COL14A1: variants seen among roughly 807,000 people sequenced by gnomAD.
COL14A1 encodes collagen alpha-1(XIV) chain.
Under a neutral mutation model 230.3 loss-of-function variants are expected in COL14A1, and 136 were observed. The ratio of observed to expected loss-of-function variants is 0.59; its 90% CI spans 0.51 to 0.68. The LOEUF (loss-of-function observed/expected upper bound fraction) is 0.68, where lower values mean the gene tolerates loss of function less well. Ranked by LOEUF, COL14A1 falls within the 30% of genes least tolerant of loss-of-function variation. The pLI, the probability that COL14A1 is intolerant of heterozygous loss-of-function variation, is 0.00. For synonymous variants in COL14A1, 792 were observed against 784.1 expected (o/e 1.01, Z -0.17); for missense variants, 1,976 against 2,215.8 (o/e 0.89, Z 2.17).
In COL14A1 at chr8:120,310,050, A is replaced by G. The variant is rs760475905; in HGVS notation, c.4443A>G (p.Glu1481=). 2 of 1,608,948 alleles carry G rather than the reference A, an allele frequency of 1.2e-6. No individual in the cohort carries two copies. The highest frequency in any genetic ancestry group is 3.3e-5 in the Admixed American group (2 of 59,900). The change falls in exon 37 of 48, where the codon GAA becomes GAG. Residue 1481 remains glutamate (E), a synonymous_variant. Coordinates refer to ENST00000297848, the MANE Select transcript of COL14A1 (RefSeq NM_021110.4). ...GLRGPKGQQG[E]PGPKGPDGPR... Reference sequence around the variant, plus strand: ...GAGGACCAAAGGGCCAGCAAGGTGAACCGGGTCCAAAGGTAATGCGCATGT... The same window carrying G: ...GAGGACCAAAGGGCCAGCAAGGTGAGCCGGGTCCAAAGGTAATGCGCATGT...
intron 25 of COL14A1, among the ~76,000 whole-genome samples, chr8:120,268,344 T>C (rs559538238): frequency 1.3e-4 from 20 of 151,818 alleles, no homozygotes; most frequent in Middle Eastern, 6.8e-3. Context: ...AGAATCCTAA[T>C]TGATAAATTT....
intron 4 of COL14A1, among the ~76,000 whole-genome samples, chr8:120,164,151 T>G (rs1453597966): frequency 6.6e-6 from 1 of 152,210 alleles, no homozygotes; most frequent in East Asian, 1.9e-4. Context: ...ATCATCAGAA[T>G]AGTATAATGA....
At chr8:120,273,695 A>C (rs1388825271) in intron 26 of COL14A1, among the ~76,000 whole-genome samples, 1 of 151,686 alleles carries the variant, frequency 6.6e-6, no homozygotes, top group African/African-American at 2.4e-5. Flanking sequence ...ATCTGAAGGA[A>C]ATGGATAAAT....
intron 45 of COL14A1, among the ~76,000 whole-genome samples, chr8:120,351,437 A>G (rs1322222413): frequency 1.6e-4 from 20 of 125,314 alleles, no homozygotes; most frequent in African/African-American, 5.9e-4. Context: ...CAAAAAATCA[A>G]TGAATCCAGG....
Position 120,203,028 on chromosome 8 carries a change from T to C in COL14A1, c.878-681T>C, listed in dbSNP as rs190399595. Among the ~76,000 whole-genome samples the C allele has an allele frequency of 9.0e-3, 710 of 78,550 alleles. 1 individual carries two copies. The highest frequency in any genetic ancestry group is 0.019 in the Non-Finnish European group (602 of 31,656). 51.5% of individuals were successfully genotyped at this position (78,550 alleles called of 152,430 possible). On this transcript the variant is annotated intron_variant, in intron 8 of 47. Coordinates refer to ENST00000297848, the MANE Select transcript of COL14A1 (RefSeq NM_021110.4). The stretch of plus-strand genomic sequence containing the variant: ...TATATATATATATATATATTTGTTC[T>C]AGCAGTATTTCTCAATTTCAGTAAA...
At position 120,371,950 on chromosome 8, in the gene COL14A1, C is replaced by G; in HGVS notation, c.*719C>G. On this transcript the variant is annotated 3_prime_UTR_variant, in exon 48 of 48. Transcript: ENST00000297848. ...TGTTCCAGGGGTTGCCTCTCCTTAT[C>G]TACGGGGATTACTTTGTACATGCAG... The G allele has an allele frequency of 3.5e-6, 1 of 284,342 alleles. No individual in the cohort carries two copies. The highest frequency in any genetic ancestry group is 6.5e-6 in the Non-Finnish European group (1 of 153,226). 17.6% of individuals were successfully genotyped at this position (284,342 alleles called of 1,614,324 possible).
chr8:120,150,022 T>C lies in COL14A1; in HGVS notation c.88+2092T>C, dbSNP rs544028500. On this transcript the variant is annotated intron_variant, in intron 2 of 47. Coordinates refer to ENST00000297848, the MANE Select transcript of COL14A1 (RefSeq NM_021110.4). The stretch of plus-strand genomic sequence containing the variant: ...AAATTCTGTTTTAAGTGAACACTTA[T>C]GGGGCATATTCTATGTGTCAAGTTC... Among the ~76,000 whole-genome samples, 4 of 152,274 alleles carry C rather than the reference T, an allele frequency of 2.6e-5. No homozygotes were observed. The East Asian group carries it at 7.7e-4, about 29-fold the overall frequency.
At chr8:120,327,771 T>A (rs1310985208) in intron 40 of COL14A1, among the ~76,000 whole-genome samples, 1 of 42,608 alleles carries the variant, frequency 2.3e-5, no homozygotes, top group Admixed American at 2.3e-4. Flanking sequence ...AGTGCAATAC[T>A]TTTTTTTTTT....
intron 4 of COL14A1, among the ~76,000 whole-genome samples, chr8:120,162,864 A>G (rs1815731587): frequency 6.6e-6 from 1 of 152,126 alleles, no homozygotes; most frequent in Non-Finnish European, 1.5e-5. Context: ...ATTTCTTAGC[A>G]TCTAGAGCTT....
chr8:120,281,092 G>C lies in COL14A1; in HGVS notation c.3824+33G>C, dbSNP rs1563388. 5.7e-6 allele frequency: 9 copies of C among 1,566,242 alleles called. No individual in the cohort carries two copies. In the Middle Eastern group the frequency reaches 5.6e-4, roughly 98 times the overall value. ...TCTGTTGAAAGATTTTAAAGTCATC[G>C]TATGTTTATTATATCTCACTGTGAA... On this transcript the variant is annotated intron_variant, in intron 31 of 47. Coordinates refer to ENST00000297848, the MANE Select transcript of COL14A1 (RefSeq NM_021110.4).
At chr8:120,369,008 AC>A (rs374819547) in intron 46 of COL14A1, among the ~76,000 whole-genome samples, 96 of 152,316 alleles carry the variant, frequency 6.3e-4, no homozygotes, top group Non-Finnish European at 9.8e-4. Context: ...GCATTGGGAA[AC>A]AAAAGCTCCA....
chr8:120,179,988 G>A lies in COL14A1; in HGVS notation c.436+11741G>A, dbSNP rs1316260122. 5.9e-5 allele frequency among the ~76,000 whole-genome samples: 9 copies of A among 152,250 alleles called. No individual in the cohort carries two copies. The South Asian group carries it at 6.2e-4, about 11-fold the overall frequency. ...TTAATGGTGTTGGGAAAACTGGCTA[G>A]CCATATGCAGAAAACTGAAACTGGA... is the stretch of plus-strand genomic sequence containing the variant. On this transcript the variant is annotated intron_variant, in intron 5 of 47. Coordinates refer to ENST00000297848, the MANE Select transcript of COL14A1 (RefSeq NM_021110.4).
Position 120,322,657 on chromosome 8 carries a change from C to T in COL14A1, c.4659+6660C>T, listed in dbSNP as rs575746372. Among the ~76,000 whole-genome samples, 3 of 152,156 alleles carry T rather than the reference C, an allele frequency of 2.0e-5. No homozygotes were observed. The East Asian group carries it at 5.8e-4, about 29-fold the overall frequency. The stretch of plus-strand genomic sequence containing the variant: ...TGAGAACATGCAGAATCTGGTTTTT[C>T]TGTTCCTGCATAAGTTTGCTATGGA... On this transcript the variant is annotated intron_variant, in intron 40 of 47. Coordinates refer to ENST00000297848, the MANE Select transcript of COL14A1 (RefSeq NM_021110.4).
At chr8:120,230,462 A>G (rs11991690) in intron 18 of COL14A1, among the ~76,000 whole-genome samples, 15,992 of 151,898 alleles carry the variant, frequency 0.11, 1,646 homozygotes, top group East Asian at 0.47. Context: ...TTTGTGCTTT[A>G]AAGTCTTTTT....
At chr8:120,184,308 G>A (rs1256599108) in intron 5 of COL14A1, among the ~76,000 whole-genome samples, 2 of 151,462 alleles carry the variant, frequency 1.3e-5, no homozygotes, top group Non-Finnish European at 2.9e-5. Flanking sequence ...AGGCTGGAGT[G>A]CAGTGGTGTG....
At position 120,297,270 on chromosome 8, in the gene COL14A1, G is replaced by A. The variant is rs1292863990; in HGVS notation, c.4237-241G>A. On this transcript the variant is annotated intron_variant, in intron 34 of 47. Coordinates refer to ENST00000297848, the MANE Select transcript of COL14A1 (RefSeq NM_021110.4). Reference sequence around the variant, plus strand: ...GCTTACTCTTTAAGTAGAAATGAGAGGGGAAGTTTTGATAAATAAGAGGGT... The same window carrying A: ...GCTTACTCTTTAAGTAGAAATGAGAAGGGAAGTTTTGATAAATAAGAGGGT... Among the ~76,000 whole-genome samples, 4 of 151,806 alleles carry A rather than the reference G, an allele frequency of 2.6e-5. No individual in the cohort carries two copies. In the South Asian group the frequency reaches 6.2e-4, roughly 24 times the overall value.
intron 19 of COL14A1, among the ~76,000 whole-genome samples, chr8:120,242,667 T>C (rs1307394314): frequency 6.6e-6 from 1 of 150,528 alleles, no homozygotes; most frequent in African/African-American, 2.4e-5. Flanking sequence ...TATCTCCTTC[T>C]CAGGACCCCG....
chr8:120,248,292 C>T (rs1818825139), intron 21 of COL14A1, among the ~76,000 whole-genome samples: 1 of 152,042 alleles, frequency 6.6e-6, no homozygotes, highest in Non-Finnish European at 1.5e-5. Context: ...TCGCCTCTAC[C>T]TCCCACATCA....
chr8:120,218,199 A>C (rs1586776004), intron 14 of COL14A1, among the ~76,000 whole-genome samples: 1 of 137,764 alleles, frequency 7.3e-6, no homozygotes, highest in African/African-American at 2.8e-5. Flanking sequence ...ATATATCTAT[A>C]TATAAATATA....
Sources: allele counts gnomAD v4.1 joint callset (sites outside exome capture counted in the v4.1 genomes callset), GRCh38; gene constraint gnomAD v4.1.1; transcripts MANE v1.5; gene names NCBI Gene and HGNC (gene_info 2026-07-23, HGNC 2026-07-21).